The following SND1 variants were observed in gnomAD, a reference collection of about 807,000 sequenced individuals.
SND1 encodes the protein staphylococcal nuclease domain-containing protein 1.
In SND1, 38 loss-of-function variants were observed where a neutral mutation model predicts 121.7. The ratio of observed to expected loss-of-function variants is 0.31; its 90% CI spans 0.24 to 0.41. The LOEUF (loss-of-function observed/expected upper bound fraction) is 0.41, where lower values mean the gene tolerates loss of function less well. Ranked by LOEUF, SND1 falls within the 10% of genes least tolerant of loss-of-function variation. SND1 has a pLI of 1.00. For synonymous variants in SND1, 401 were observed against 447.4 expected (o/e 0.90, Z 1.31); for missense variants, 868 against 1,184.6 (o/e 0.73, Z 3.92).
intron 10 of SND1, among the ~76,000 whole-genome samples, chr7:127,748,170 A>G (rs1797014557): frequency 6.6e-6 from 1 of 152,184 alleles, no homozygotes; most frequent in African/African-American, 2.4e-5. Flanking sequence ...TGTTGTCTCC[A>G]CTGTGCCTGT....
chr7:128,081,497 G>A lies in SND1; in HGVS notation c.2106G>A (p.Glu702=). ...DDLHFYVQDV[E]TGTQLEKLME... ...TGCACTTCTACGTGCAGGATGTGGA[G>A]ACCGGTGAGTGCTCAGGCCGCTGGC... Residue 702 remains glutamate (E), a synonymous_variant, in exon 18 of 24, where the codon GAG becomes GAA. Transcript: ENST00000354725. 1 of 1,613,858 alleles carries A rather than the reference G, an allele frequency of 6.2e-7. No individual in the cohort carries two copies. Among genetic ancestry groups the A allele is most frequent in the Non-Finnish European group, 8.5e-7 (1 of 1,179,968 alleles).
At chr7:127,857,837 C>T (rs1799309658) in intron 12 of SND1, 6 of 996,180 alleles carry the variant, frequency 6.0e-6, no homozygotes, top group Non-Finnish European at 9.7e-6. Context: ...AAACTAGGTC[C>T]CCAGCAGTCT....
intron 10 of SND1, among the ~76,000 whole-genome samples, chr7:127,792,538 G>C (rs751469018): frequency 6.6e-6 from 1 of 152,150 alleles, no homozygotes; most frequent in African/African-American, 2.4e-5. Flanking sequence ...TAGCATGGAG[G>C]TAATAACTAC....
chr7:128,029,118 G>A lies in SND1; in HGVS notation c.1779+38062G>A, dbSNP rs758876125. The A allele has an allele frequency of 9.1e-5, 147 of 1,614,002 alleles. No homozygotes were observed. Among genetic ancestry groups the A allele is most frequent in the Non-Finnish European group, 1.1e-4 (134 of 1,180,046 alleles). On this transcript the variant is annotated intron_variant, in intron 16 of 23. Coordinates refer to ENST00000354725, the MANE Select transcript of SND1 (RefSeq NM_014390.4). The surrounding 1 kb of genome is among the most constrained non-coding windows in gnomAD (Gnocchi z 4.2). ...CTGCATCTTGTCAGTGGTGTCTGTCGCGGGTACTGCCACCTGCTTGGGCAC... is the reference window on the plus strand; with the variant it reads ...CTGCATCTTGTCAGTGGTGTCTGTCACGGGTACTGCCACCTGCTTGGGCAC...
chr7:127,819,858 T>C (rs538526279), intron 11 of SND1, among the ~76,000 whole-genome samples: 2 of 152,372 alleles, frequency 1.3e-5, no homozygotes, highest in East Asian at 3.9e-4. Context: ...ATGTGATGGC[T>C]ATGTGTCACA....
intron 1 of SND1, among the ~76,000 whole-genome samples, chr7:127,675,296 C>A (rs1175821313): frequency 6.6e-6 from 1 of 151,984 alleles, no homozygotes; most frequent in African/African-American, 2.4e-5. Context: ...TGTTTGATTC[C>A]TTTTTCCCAT....
At chr7:128,010,186 C>T (rs1211176364) in intron 16 of SND1, among the ~76,000 whole-genome samples, 1 of 152,224 alleles carries the variant, frequency 6.6e-6, no homozygotes, top group Admixed American at 6.5e-5. Flanking sequence ...TTTCCCATAG[C>T]TCTTTCAACA....
At chr7:127,994,549 CAAAAAAAAAAAAAAAAA>C (rs563548702) in intron 16 of SND1, among the ~76,000 whole-genome samples, 44 of 46,232 alleles carry the variant, frequency 9.5e-4, no homozygotes, top group South Asian at 1.4e-3. Context: ...CACTTTTACT[CAAAAAAAAAAAAAAAAA>C]AAAAAAAAAA....
chr7:127,748,595 A>G (rs988221185), intron 10 of SND1, among the ~76,000 whole-genome samples: 4 of 152,262 alleles, frequency 2.6e-5, no homozygotes, highest in Admixed American at 6.5e-5. Context: ...TAACTGAGCA[A>G]TAAGCTTAAA....
At chr7:127,708,665 TATC>T (rs1796247906) in intron 9 of SND1, among the ~76,000 whole-genome samples, 1 of 152,178 alleles carries the variant, frequency 6.6e-6, no homozygotes, top group Non-Finnish European at 1.5e-5. Context: ...CTAGAGCTAT[TATC>T]CTTGGTGGTA....
At chr7:127,850,225 C>T (rs1317231670) in intron 12 of SND1, among the ~76,000 whole-genome samples, 2 of 152,180 alleles carry the variant, frequency 1.3e-5, no homozygotes, top group South Asian at 2.1e-4. Context: ...AAGTGTCATA[C>T]AGCCCCCAGC....
At chr7:128,065,982 C>T (rs906566040) in intron 16 of SND1, among the ~76,000 whole-genome samples, 3 of 152,200 alleles carry the variant, frequency 2.0e-5, no homozygotes, top group Non-Finnish European at 2.9e-5. Flanking sequence ...GCTTCCAGCA[C>T]GGGTTTTTCC....
At chr7:127,932,243 GA>G (rs1313150354) in intron 15 of SND1, among the ~76,000 whole-genome samples, 2 of 152,210 alleles carry the variant, frequency 1.3e-5, no homozygotes, top group Non-Finnish European at 2.9e-5. Flanking sequence ...GGATTTGAAG[GA>G]AGTTGATTCC....
chr7:127,890,507 T>A (rs1563049200), intron 13 of SND1, among the ~76,000 whole-genome samples: 1 of 152,136 alleles, frequency 6.6e-6, no homozygotes, highest in African/African-American at 2.4e-5. Context: ...AAGAACAGGT[T>A]ATGCATTTCC....
At chr7:127,863,634 TGTGA>T (rs1799418060) in intron 12 of SND1, among the ~76,000 whole-genome samples, 1 of 152,234 alleles carries the variant, frequency 6.6e-6, no homozygotes, top group African/African-American at 2.4e-5. Context: ...TAATTATTCC[TGTGA>T]GTGTGACCCC....
intron 10 of SND1, among the ~76,000 whole-genome samples, chr7:127,729,133 A>AT (rs1796630635): frequency 6.6e-6 from 1 of 152,100 alleles, no homozygotes. Flanking sequence ...TAATTTCAGG[A>AT]TTTTAAGTGC....
At chr7:127,783,183 G>T (rs958414472) in intron 10 of SND1, among the ~76,000 whole-genome samples, 1 of 152,160 alleles carries the variant, frequency 6.6e-6, no homozygotes, top group African/African-American at 2.4e-5. Flanking sequence ...TAGAGCCATG[G>T]TTACTGTTCA....
chr7:128,090,413 C>T (rs1793757602), intron 22 of SND1, among the ~76,000 whole-genome samples: 1 of 152,210 alleles, frequency 6.6e-6, no homozygotes, highest in African/African-American at 2.4e-5. Context: ...TACCCTTTCA[C>T]CAAGCAGCCA....
rs563548702 is a variant in SND1, at chr7:127,994,549, CAAAAAAAAAAAAAAAAAAAA to C, written c.1779+3510_1779+3529del. On this transcript the variant is annotated intron_variant, in intron 16 of 23. Coordinates refer to ENST00000354725, the MANE Select transcript of SND1 (RefSeq NM_014390.4). ...CTCTCAAATGACGATCACTTTTACTCAAAAAAAAAAAAAAAAAAAAAAAAAAAAAAAAAAAACAGTAAATT... is the reference window on the plus strand; with the variant it reads ...CTCTCAAATGACGATCACTTTTACTCAAAAAAAAAAAAAAAACAGTAAATT... Among the ~76,000 whole-genome samples, 48 of 46,238 alleles carry C rather than the reference CAAAAAAAAAAAAAAAAAAAA, an allele frequency of 1.0e-3. No individual in the cohort carries two copies. In the South Asian group the frequency reaches 0.02, roughly 19 times the overall value. 30.3% of individuals were successfully genotyped at this position (46,238 alleles called of 152,430 possible).
Sources: gnomAD v4.1 joint callset for allele counts (sites outside exome capture counted in the v4.1 genomes callset) on GRCh38, gnomAD v4.1.1 for gene constraint, Gnocchi (gnomAD v3.1) non-coding constraint, MANE v1.5 for transcripts, NCBI Gene and HGNC (gene_info 2026-07-23, HGNC 2026-07-21) for gene names.